TBC1D1: variants seen among roughly 807,000 people sequenced by gnomAD.
TBC1D1 encodes TBC1 domain family member 1.
A neutral mutation model predicts 125.6 loss-of-function variants in TBC1D1; 89 were observed. That is an observed-to-expected ratio of 0.71 (90% CI 0.60 to 0.85). The LOEUF (loss-of-function observed/expected upper bound fraction) is 0.85. Among genes scored for constraint, TBC1D1 ranks in the 40% least tolerant of loss-of-function variants. The pLI, the probability that TBC1D1 is intolerant of heterozygous loss-of-function variation, is 0.00. For synonymous variants in TBC1D1, 565 were observed against 564.1 expected (o/e 1.00, Z -0.02); for missense variants, 1,377 against 1,469.2 (o/e 0.94, Z 1.03).
intron 2 of TBC1D1, among the ~76,000 whole-genome samples, chr4:37,973,899 G>A (rs1732535096): frequency 6.6e-6 from 1 of 152,224 alleles, no homozygotes; most frequent in South Asian, 2.1e-4. Flanking sequence ...TGAAGGTTAT[G>A]ATGCAGTAGG....
chr4:37,933,732 A>G (rs976331084), intron 2 of TBC1D1, among the ~76,000 whole-genome samples: 2 of 152,184 alleles, frequency 1.3e-5, no homozygotes, highest in Non-Finnish European at 2.9e-5. Context: ...AAAGATAGAT[A>G]TGATTCATTG....
intron 6 of TBC1D1, 88 bp from the exon 7 acceptor site, chr4:38,027,700 T>G: frequency 1.5e-6 from 1 of 650,398 alleles, no homozygotes; most frequent in Non-Finnish European, 2.6e-6. Flanking sequence ...GAAGAGAATG[T>G]GAAGGGGATG....
At chr4:38,004,943 A>G (rs4144804) in intron 2 of TBC1D1, among the ~76,000 whole-genome samples, 88,512 of 151,642 alleles carry the variant, frequency 0.58, 26,823 homozygotes, top group East Asian at 0.89. Context: ...TGCCAAGGCA[A>G]AATGCCTCAG....
At chr4:38,068,978 A>T (rs1021654713) in intron 12 of TBC1D1, among the ~76,000 whole-genome samples, 4 of 152,252 alleles carry the variant, frequency 2.6e-5, no homozygotes, top group Non-Finnish European at 4.4e-5. Flanking sequence ...AACTTCAGGC[A>T]GTCAAGATTT....
chr4:37,892,277 G>A (rs540377857), intron 1 of TBC1D1, among the ~76,000 whole-genome samples: 1 of 152,260 alleles, frequency 6.6e-6, no homozygotes, highest in African/African-American at 2.4e-5. Context: ...TGAGCTAGGG[G>A]TGGTGGCACC....
intron 2 of TBC1D1, among the ~76,000 whole-genome samples, chr4:37,910,337 G>A (rs777626738): frequency 1.9e-4 from 29 of 152,104 alleles, no homozygotes; most frequent in Admixed American, 7.2e-4. Context: ...CTTGAAATGT[G>A]ACCAATCTGA....
At chr4:38,009,845 A>G (rs1468841987) in intron 2 of TBC1D1, among the ~76,000 whole-genome samples, 2 of 152,212 alleles carry the variant, frequency 1.3e-5, no homozygotes, top group African/African-American at 4.8e-5. Flanking sequence ...TTTCTTCATT[A>G]AAAGAAAATT....
chr4:37,914,652 A>G (rs1719326607), intron 2 of TBC1D1, among the ~76,000 whole-genome samples: 1 of 152,188 alleles, frequency 6.6e-6, no homozygotes, highest in South Asian at 2.1e-4. Context: ...AAACCTCTCT[A>G]GTGGCTTCCC....
At chr4:38,134,601 T>C (rs1766166797) in intron 19 of TBC1D1, among the ~76,000 whole-genome samples, 1 of 152,248 alleles carries the variant, frequency 6.6e-6, no homozygotes, top group African/African-American at 2.4e-5. Flanking sequence ...AAACTTCTAA[T>C]AAAGCTCACA....
At chr4:38,133,437 A>G (rs1032255528) in intron 19 of TBC1D1, among the ~76,000 whole-genome samples, 180 bp downstream of exon 21, 2 of 152,218 alleles carry the variant, frequency 1.3e-5, no homozygotes, top group African/African-American at 4.8e-5. Flanking sequence ...TGGAGCAGAC[A>G]GATTGTCCTT....
At chr4:38,045,337 A>G (rs1408614159) in intron 9 of TBC1D1, among the ~76,000 whole-genome samples, 3 of 152,144 alleles carry the variant, frequency 2.0e-5, no homozygotes, top group Admixed American at 6.5e-5. Flanking sequence ...GTTAAATTTT[A>G]TTTTCTTCGA....
Position 37,897,189 on chromosome 4 carries a change from A to G in TBC1D1, c.-93-4814A>G, listed in dbSNP as rs185170247. Reference sequence around the variant, plus strand: ...TGAGATGGCTTTAAAAAATAATCAAATGGTTTGTTAGTATTAAACTGGTGC... The same window carrying G: ...TGAGATGGCTTTAAAAAATAATCAAGTGGTTTGTTAGTATTAAACTGGTGC... On this transcript the variant is annotated intron_variant, in intron 1 of 19. Transcript: ENST00000261439. 2.6e-5 allele frequency among the ~76,000 whole-genome samples: 4 copies of G among 152,270 alleles called. No individual in the cohort carries two copies. The East Asian group carries it at 7.7e-4, about 29-fold the overall frequency.
At chr4:38,006,513 T>C (rs1220547277) in intron 2 of TBC1D1, among the ~76,000 whole-genome samples, 1 of 149,008 alleles carries the variant, frequency 6.7e-6, no homozygotes, top group Non-Finnish European at 1.5e-5. Flanking sequence ...GAGTCTTGCT[T>C]TGTCACCCAG....
chr4:37,975,214 C>T (rs1249905452), intron 2 of TBC1D1, among the ~76,000 whole-genome samples: 1 of 152,118 alleles, frequency 6.6e-6, no homozygotes, highest in Admixed American at 6.5e-5. Flanking sequence ...GGACAGGGGG[C>T]CCTTCCCTGC....
chr4:38,061,814 A>G (rs185052674), intron 12 of TBC1D1, among the ~76,000 whole-genome samples: 5 of 152,350 alleles, frequency 3.3e-5, no homozygotes, highest in Admixed American at 2.0e-4. Context: ...TGACCAATTT[A>G]TATTATTGTG....
chr4:38,117,923 G>A (rs1244453513), intron 16 of TBC1D1, 110 bp from the exon 19 acceptor site: 1 of 998,760 alleles, frequency 1.0e-6, no homozygotes, highest in East Asian at 2.4e-5. Flanking sequence ...CAAATCGAAT[G>A]TTTAAAGTTC....
At chr4:38,059,622 G>A (rs1752396853) in intron 12 of TBC1D1, among the ~76,000 whole-genome samples, 1 of 152,186 alleles carries the variant, frequency 6.6e-6, no homozygotes, top group Admixed American at 6.5e-5. Flanking sequence ...CTGAGTATGT[G>A]GAAGGACCAT....
chr4:37,994,522 A>G (rs1188956679), intron 2 of TBC1D1, among the ~76,000 whole-genome samples: 1 of 152,162 alleles, frequency 6.6e-6, no homozygotes, highest in Non-Finnish European at 1.5e-5. Flanking sequence ...GAGACTACAG[A>G]CGTGAACCAC....
chr4:38,049,798 T>C lies in TBC1D1; in HGVS notation c.1810T>C (p.Cys604Arg), dbSNP rs560611944. Reference sequence around the variant, plus strand: ...CACCCTGAGTCACTTCCCCATCGAATGCCAGGAACCTCCACAACCTGCCCG... The same window carrying C: ...CACCCTGAGTCACTTCCCCATCGAACGCCAGGAACCTCCACAACCTGCCCG... The change falls in exon 11 of 20, where the codon TGC becomes CGC. Residue 604 changes from cysteine to arginine, a missense_variant. Physicochemically the swap from Cys to Arg is radical, Grantham distance 180 (BLOSUM62 -3). Around this residue, in one of 3 missense-constraint regions of TBC1D1, gnomAD observed 822 missense variants for 824.6 expected, o/e 1.00. Coordinates refer to ENST00000261439, the MANE Select transcript of TBC1D1 (RefSeq NM_015173.4). The C allele has an allele frequency of 2.5e-6, 4 of 1,614,026 alleles. No individual in the cohort carries two copies. Among genetic ancestry groups the C allele is most frequent in the Non-Finnish European group, 3.4e-6 (4 of 1,180,022 alleles).
Sources: allele counts gnomAD v4.1 joint callset (sites outside exome capture counted in the v4.1 genomes callset), GRCh38; gene constraint gnomAD v4.1.1; regional missense constraint gnomAD v4.1.1; transcripts MANE v1.5; gene names NCBI Gene and HGNC (gene_info 2026-07-23, HGNC 2026-07-21).